The following NT5E variants were observed in gnomAD, a reference collection of about 807,000 sequenced individuals.
NT5E encodes 5'-nucleotidase ecto.
A neutral mutation model predicts 55.1 loss-of-function variants in NT5E; 53 were observed. That is an observed-to-expected ratio of 0.96 (90% CI 0.77 to 1.21). The LOEUF (loss-of-function observed/expected upper bound fraction) is 1.21, where lower values mean the gene tolerates loss of function less well. NT5E is among the 50% of genes most tolerant of loss of function. The pLI is 0.00. For missense variants in NT5E, 683 were observed against 724.3 expected, an observed-to-expected ratio of 0.94 and a Z score of 0.65; for synonymous variants, 270 against 278.4, an observed-to-expected ratio of 0.97 and a Z score of 0.30.
chr6:85,484,049 C>A (rs867277980), intron 3 of NT5E, among the ~76,000 whole-genome samples: 4 of 152,210 alleles, frequency 2.6e-5, no homozygotes, highest in African/African-American at 7.2e-5. Flanking sequence ...GAGGACCTGC[C>A]CCATGGGAAG....
At chr6:85,458,546 C>T (rs17819627) in intron 1 of NT5E, among the ~76,000 whole-genome samples, 24,882 of 152,234 alleles carry the variant, frequency 0.16, 2,405 homozygotes, top group Middle Eastern at 0.26. Context: ...ATCATATTGG[C>T]GGCTTTCTGC....
At chr6:85,480,359 A>G (rs1769519956) in intron 3 of NT5E, among the ~76,000 whole-genome samples, 1 of 152,254 alleles carries the variant, frequency 6.6e-6, no homozygotes, top group South Asian at 2.1e-4. Flanking sequence ...TAGTCTGGGC[A>G]TAGATAACAG....
At chr6:85,464,669 A>G (rs552303213) in intron 1 of NT5E, among the ~76,000 whole-genome samples, 1 of 152,322 alleles carries the variant, frequency 6.6e-6, no homozygotes, top group Admixed American at 6.5e-5. Context: ...ATTTGAGAAA[A>G]GTTTTTCTGG....
intron 8 of NT5E, among the ~76,000 whole-genome samples, chr6:85,493,243 C>G (rs114025361): frequency 0.017 from 2,516 of 152,210 alleles, 82 homozygotes; most frequent in African/African-American, 0.057. Flanking sequence ...GGGCTAAACT[C>G]TTTTTCAGTG....
At chr6:85,489,169 A>G (rs1769730800) in intron 5 of NT5E, among the ~76,000 whole-genome samples, 1 of 152,162 alleles carries the variant, frequency 6.6e-6, no homozygotes, top group South Asian at 2.1e-4. Context: ...AAGCCTGTGC[A>G]GGAGTGACTC....
intron 3 of NT5E, among the ~76,000 whole-genome samples, chr6:85,481,498 T>A (rs1331147584): frequency 6.6e-6 from 1 of 152,254 alleles, no homozygotes; most frequent in African/African-American, 2.4e-5. Context: ...CTTCACTTGC[T>A]GCATTAACTT....
In NT5E at chr6:85,482,437, GAGAA is replaced by G. The variant is rs1179121792; in HGVS notation, c.752-2792_752-2789del. On this transcript the variant is annotated intron_variant, in intron 3 of 8. Coordinates refer to ENST00000257770, the MANE Select transcript of NT5E (RefSeq NM_002526.4). ...GGTGGAAGAAAGAAAAAAAAAGAAA[GAGAA>G]AGAAAAGGCTGCTTCCTGGCACTTC... 4.6e-5 allele frequency among the ~76,000 whole-genome samples: 7 copies of G among 152,240 alleles called. No homozygotes were observed. The South Asian group carries it at 8.3e-4, about 18-fold the overall frequency.
chr6:85,458,450 A>G (rs1769029901), intron 1 of NT5E, among the ~76,000 whole-genome samples: 1 of 152,200 alleles, frequency 6.6e-6, no homozygotes, highest in Admixed American at 6.5e-5. Flanking sequence ...AAGTAAAGGT[A>G]GTTTCTCAGC....
intron 3 of NT5E, among the ~76,000 whole-genome samples, chr6:85,481,525 A>T (rs1400182449): frequency 1.3e-5 from 2 of 152,216 alleles, no homozygotes; most frequent in East Asian, 3.8e-4. Context: ...TCTCCACAAT[A>T]ACTCTGTAAG....
At chr6:85,482,383 G>A (rs1488143129) in intron 3 of NT5E, among the ~76,000 whole-genome samples, 2 of 148,574 alleles carry the variant, frequency 1.3e-5, no homozygotes, top group East Asian at 2.0e-4. Context: ...AAGGAAGGAG[G>A]GAAAAAAGGA....
chr6:85,483,612 T>C (rs943577879), intron 3 of NT5E, among the ~76,000 whole-genome samples: 1 of 152,208 alleles, frequency 6.6e-6, no homozygotes, highest in Non-Finnish European at 1.5e-5. Context: ...AAATTGGATG[T>C]TACTATTGGC....
At chr6:85,477,552 T>C (rs1305096182) in intron 3 of NT5E, among the ~76,000 whole-genome samples, 2 of 152,296 alleles carry the variant, frequency 1.3e-5, no homozygotes, top group East Asian at 1.9e-4. Flanking sequence ...GGCTGGTGCA[T>C]AGTCTGATGG....
At chr6:85,460,824 T>C (rs562984774) in intron 1 of NT5E, among the ~76,000 whole-genome samples, 34 of 152,288 alleles carry the variant, frequency 2.2e-4, no homozygotes, top group Middle Eastern at 3.4e-3. Context: ...AGGTCAGAGA[T>C]GGTGGTTAAC....
rs1307814711 is a variant in NT5E, at chr6:85,467,263, C to T, written c.543C>T (p.Thr181=). Residue 181 remains threonine, a synonymous_variant, in exon 2 of 9, where the codon ACC becomes ACT. Coordinates refer to ENST00000257770, the MANE Select transcript of NT5E (RefSeq NM_002526.4). ...TCGTTGGATACACTTCCAAAGAAACCCCTTTTCTCTCAAATCCAGGTATTT... is the reference window on the plus strand; with the variant it reads ...TCGTTGGATACACTTCCAAAGAAACTCCTTTTCTCTCAAATCCAGGTATTT... ...VGIVGYTSKE[T]PFLSNPGTNL... 6.2e-7 allele frequency: 1 copy of T among 1,613,996 alleles called. No homozygotes were observed. The highest frequency in any genetic ancestry group is 2.2e-5 in the East Asian group (1 of 44,870).
intron 3 of NT5E, among the ~76,000 whole-genome samples, chr6:85,478,842 T>C (rs1183906528): frequency 3.3e-5 from 5 of 151,790 alleles, no homozygotes; most frequent in African/African-American, 1.2e-4. Context: ...TATATAGTAT[T>C]GAGAGAGAGA....
chr6:85,468,943 T>TG (rs1015946342), intron 2 of NT5E, among the ~76,000 whole-genome samples: 2 of 151,724 alleles, frequency 1.3e-5, no homozygotes, highest in East Asian at 1.9e-4. Context: ...GGGCCCAGTG[T>TG]GGGGGGAAAG....
Position 85,453,361 on chromosome 6 carries a change from A to G in NT5E, c.339+2883A>G, listed in dbSNP as rs116523450. Among the ~76,000 whole-genome samples, 1,387 of 152,230 alleles carry G rather than the reference A, an allele frequency of 9.1e-3. 15 individuals carry two copies. The highest frequency in any genetic ancestry group is 0.031 in the African/African-American group (1,302 of 41,544). ...CTGGTGCTCACTGAAAGTGAGTTTC[A>G]TGTGCCCTGGGTGGGGAGGAGGGGA... On this transcript the variant is annotated intron_variant, in intron 1 of 8. Transcript: ENST00000257770.
chr6:85,473,305 G>T (rs976692617), intron 3 of NT5E, among the ~76,000 whole-genome samples: 1 of 152,146 alleles, frequency 6.6e-6, no homozygotes, highest in South Asian at 2.1e-4. Flanking sequence ...CCTATTATAA[G>T]GGGTCACTGT....
chr6:85,490,253 C>T (rs1383298057), intron 6 of NT5E, among the ~76,000 whole-genome samples: 1 of 152,234 alleles, frequency 6.6e-6, no homozygotes, highest in Admixed American at 6.5e-5. Flanking sequence ...AGATCTAAGA[C>T]TGAGCATGGT....
Sources: gnomAD v4.1 joint callset for allele counts (sites outside exome capture counted in the v4.1 genomes callset) on GRCh38, gnomAD v4.1.1 for gene constraint, MANE v1.5 for transcripts, NCBI Gene and HGNC (gene_info 2026-07-23, HGNC 2026-07-21) for gene names.